The following PSMD2 variants were observed in gnomAD, a reference collection of about 807,000 sequenced individuals.
The protein encoded by PSMD2 is 26S proteasome non-ATPase regulatory subunit 2.
A neutral mutation model predicts 101.5 loss-of-function variants in PSMD2; 8 were observed. The observed-to-expected ratio is 0.08, with a 90% confidence interval of 0.05 to 0.14. The LOEUF is 0.14. PSMD2 is among the 10% of genes least tolerant of loss of function. The pLI is 1.00. For missense variants in PSMD2, 784 were observed against 1,147.4 expected (o/e 0.68, Z 4.58); for synonymous variants, 418 against 433.8 (o/e 0.96, Z 0.45).
chr3:184,304,490 G>C lies in PSMD2; in HGVS notation c.1539+99G>C. ...GAAAAAGAAGTAAGTGTGTGCATGT[G>C]TGCATACATGTACATGCCTGTTGGT... is the stretch of plus-strand genomic sequence containing the variant. On this transcript the variant is annotated intron_variant, in intron 12 of 20. Transcript: ENST00000310118. The surrounding 1 kb of genome is among the most constrained non-coding windows in gnomAD (Gnocchi z 4.1). 1 of 1,163,892 alleles carries C rather than the reference G, an allele frequency of 8.6e-7. No individual in the cohort carries two copies. The highest frequency in any genetic ancestry group is 1.3e-6 in the Non-Finnish European group (1 of 781,652). 72.1% of individuals were successfully genotyped at this position (1,163,892 alleles called of 1,614,324 possible). A position where few individuals can be genotyped will look rare whatever the true frequency, so the allele number is the denominator to read the frequency against.
chr3:184,300,014 G>A (rs1721590616), intron 2 of PSMD2, 107 bp downstream of exon 2: 1 of 1,073,442 alleles, frequency 9.3e-7, no homozygotes, highest in South Asian at 1.3e-5. Context: ...TTTAGGGTCA[G>A]TGTTATGATG....
chr3:184,299,769 TTC>T, intron 1 of PSMD2, 80 bp from the exon 2 acceptor site: 1 of 1,198,998 alleles, frequency 8.3e-7, no homozygotes, highest in Non-Finnish European at 1.2e-6. Context: ...GGCAGGCTTA[TTC>T]TTCACCTGCC....
Position 184,302,439 on chromosome 3 carries a change from G to C in PSMD2, c.774G>C (p.Lys258Asn). ...LLRCALGVFR[K>N]FSRFPEALRL... is the part of the protein sequence containing the mutation. The stretch of plus-strand genomic sequence containing the variant: ...GTTGTGCCCTGGGTGTGTTCCGAAA[G>C]TTTAGCCGCTTCCCTGAAGCTCTGA... Residue 258 changes from lysine to asparagine, a missense_variant, in exon 6 of 21, where the codon AAG becomes AAC. By Grantham distance (94) the Lys-to-Asn change is moderately conservative. Around this residue, in one of 6 missense-constraint regions of PSMD2, gnomAD observed 208 missense variants for 301.6 expected, o/e 0.69. Coordinates refer to ENST00000310118, the MANE Select transcript of PSMD2 (RefSeq NM_002808.5). 6.2e-7 allele frequency: 1 copy of C among 1,614,212 alleles called. No homozygotes were observed. The highest frequency in any genetic ancestry group is 8.5e-7 in the Non-Finnish European group (1 of 1,180,046).
chr3:184,299,285 G>T lies in PSMD2; in HGVS notation c.19G>T (p.Asp7Tyr), dbSNP rs1027646726. The part of the protein sequence containing the change: MEEGGR[D>Y]KAPVQPQQSP... Reference sequence around the variant, plus strand: ...GGCGGAGATGGAGGAGGGAGGCCGGGACAAGGCGCCGGTGCAGCCCCAGCA... The same window carrying T: ...GGCGGAGATGGAGGAGGGAGGCCGGTACAAGGCGCCGGTGCAGCCCCAGCA... The change falls in exon 1 of 21, where the codon GAC becomes TAC. Residue 7 changes from aspartate to tyrosine, a missense_variant. Physicochemically the swap from Asp to Tyr is radical, Grantham distance 160 (BLOSUM62 -3). Around this residue, in one of 6 missense-constraint regions of PSMD2, gnomAD observed 196 missense variants for 182.4 expected, o/e 1.07. Transcript: ENST00000310118. 9.5e-6 allele frequency: 13 copies of T among 1,365,454 alleles called. No individual in the cohort carries two copies. The highest frequency in any genetic ancestry group is 1.6e-5 in the South Asian group (1 of 61,460). 84.6% of individuals were successfully genotyped at this position (1,365,454 alleles called of 1,614,324 possible).
intron 5 of PSMD2, 129 bp from the exon 6 acceptor site, chr3:184,302,241 T>C (rs1451266587): frequency 8.5e-7 from 1 of 1,176,708 alleles, no homozygotes; most frequent in Non-Finnish European, 1.2e-6. Flanking sequence ...GTCTTCTTAG[T>C]AGTTCTAACA....
chr3:184,305,306 T>C (rs1043195600), intron 12 of PSMD2, among the ~76,000 whole-genome samples: 9 of 152,256 alleles, frequency 5.9e-5, no homozygotes, highest in Admixed American at 5.9e-4. Flanking sequence ...CTGGCCAAGA[T>C]GGTGAAACCC....
chr3:184,302,724 G>A lies in PSMD2; in HGVS notation c.909G>A (p.Val303=). 1.2e-6 allele frequency: 2 copies of A among 1,614,166 alleles called. No homozygotes were observed. Among genetic ancestry groups the A allele is most frequent in the Non-Finnish European group, 1.7e-6 (2 of 1,180,048 alleles). The part of the protein sequence containing the change: ...QMAFMLGRHG[V]FLELSEDVEE... Reference sequence around the variant, plus strand: ...CATTCATGCTAGGCCGGCATGGGGTGTTCCTGGAGCTGAGTGAAGATGTCG... The same window carrying A: ...CATTCATGCTAGGCCGGCATGGGGTATTCCTGGAGCTGAGTGAAGATGTCG... Residue 303 remains valine (V), a synonymous_variant, in exon 7 of 21, where the codon GTG becomes GTA. Coordinates refer to ENST00000310118, the MANE Select transcript of PSMD2 (RefSeq NM_002808.5).
rs1442312877 is a variant in PSMD2 at position 184,299,393 on chromosome 3, C to G, written c.127C>G (p.Gln43Glu). Residue 43 changes from glutamine (Q) to glutamate (E), a missense_variant, in exon 1 of 21, where the codon CAG (glutamine) becomes GAG (glutamate). By Grantham distance (29) the Gln-to-Glu change is conservative. This residue lies in a region of PSMD2 where 196 missense variants were observed against 182.4 expected (regional missense o/e 1.07). Coordinates refer to ENST00000310118, the MANE Select transcript of PSMD2 (RefSeq NM_002808.5). ...RRDAGDKDKE[Q>E]ELSEEDKQLQ... is the part of the protein sequence containing the mutation. ...GGATGCCGGGGACAAGGACAAAGAA[C>G]AGGAGCTGGTGAGGCGCGACCCCGA... The G allele has an allele frequency of 1.4e-6, 2 of 1,382,748 alleles. No individual in the cohort carries two copies. The highest frequency in any genetic ancestry group is 9.3e-7 in the Non-Finnish European group (1 of 1,070,494). The allele number at this position is 1,382,748 out of a possible 1,614,324, so 85.7% of individuals were successfully genotyped here. A position where few individuals can be genotyped will look rare whatever the true frequency, so the allele number is the denominator to read the frequency against.
intron 15 of PSMD2, 119 bp downstream of exon 15, chr3:184,306,614 G>A (rs867920084): frequency 7.9e-6 from 12 of 1,528,062 alleles, no homozygotes; most frequent in Middle Eastern, 1.8e-4. Context: ...TTGAAATAGC[G>A]TGTGACTGGG....
chr3:184,305,197 T>C (rs1187437406), intron 12 of PSMD2, among the ~76,000 whole-genome samples: 1 of 152,072 alleles, frequency 6.6e-6, no homozygotes, highest in Admixed American at 6.5e-5. Context: ...ATTTTTCTCA[T>C]CCATAAAAGG....
Position 184,306,209 on chromosome 3 carries a change from T to C in PSMD2, c.1804+54T>C, listed in dbSNP as rs967941964. 4.4e-6 allele frequency: 7 copies of C among 1,602,276 alleles called. No homozygotes were observed. The Admixed American group carries it at 1.0e-4, about 23-fold the overall frequency. On this transcript the variant is annotated intron_variant, in intron 14 of 20. Transcript: ENST00000310118. ...CTTCCCCAGTGACTCCTCACTTCTT[T>C]CTTGGTCCTTATTTTCAGGTTGTTT...
chr3:184,306,979 C>T lies in PSMD2; in HGVS notation c.2034+145C>T, dbSNP rs144082062. The T allele has an allele frequency of 8.3e-4, 597 of 722,976 alleles. 2 individuals are homozygous for T. In the African/African-American group the frequency reaches 8.5e-3, roughly 10 times the overall value. The allele number at this position is 722,976 out of a possible 1,614,324, so 44.8% of individuals were successfully genotyped here. A position where few individuals can be genotyped will look rare whatever the true frequency, so the allele number is the denominator to read the frequency against. Reference sequence around the variant, plus strand: ...TTCTTTTTTCTTTTCTTTTTTGAAGCGGAGTTTTGCTCTAGAGTGCAATGG... The same window carrying T: ...TTCTTTTTTCTTTTCTTTTTTGAAGTGGAGTTTTGCTCTAGAGTGCAATGG... On this transcript the variant is annotated intron_variant, in intron 16 of 20. Transcript: ENST00000310118.
intron 15 of PSMD2, 114 bp from the exon 16 acceptor site, chr3:184,306,637 G>A (rs539800575): frequency 2.0e-6 from 3 of 1,519,234 alleles, no homozygotes; most frequent in South Asian, 2.5e-5. Context: ...CTGTATGTAA[G>A]GGGTAAAGGT....
In PSMD2 at chr3:184,302,749, G is replaced by A. The variant is rs923890379; in HGVS notation, c.934G>A (p.Glu312Lys). ...GVFLELSEDV[E>K]EYEDLTEIMS... ...GTTCCTGGAGCTGAGTGAAGATGTCGAGGAGTATGAGGACCTGACAGAGAT... is the reference window on the plus strand; with the variant it reads ...GTTCCTGGAGCTGAGTGAAGATGTCAAGGAGTATGAGGACCTGACAGAGAT... Residue 312 changes from glutamate (E) to lysine (K), a missense_variant, in exon 7 of 21, where the codon GAG (glutamate) becomes AAG (lysine). Physicochemically the swap from Glu to Lys is moderately conservative, Grantham distance 56. This residue lies in a region of PSMD2 where 208 missense variants were observed against 301.6 expected (regional missense o/e 0.69). Transcript: ENST00000310118. 1.9e-6 allele frequency: 3 copies of A among 1,613,998 alleles called. No homozygotes were observed. The highest frequency in any genetic ancestry group is 1.7e-6 in the Non-Finnish European group (2 of 1,180,046).
Position 184,304,172 on chromosome 3 carries a change from T to C in PSMD2, c.1451+98T>C. On this transcript the variant is annotated intron_variant, in intron 11 of 20. Transcript: ENST00000310118. The surrounding 1 kb of genome is among the most constrained non-coding windows in gnomAD (Gnocchi z 4.1). The stretch of plus-strand genomic sequence containing the variant: ...CACCCATATTGCCAAGGGCTACCAC[T>C]GTGCCTATTGGGTATCTGGCTCTTG... The C allele has an allele frequency of 6.4e-7, 1 of 1,559,724 alleles. No individual in the cohort carries two copies. Among genetic ancestry groups the C allele is most frequent in the Non-Finnish European group, 8.8e-7 (1 of 1,131,472 alleles).
intron 6 of PSMD2, 59 bp from the exon 7 acceptor site, chr3:184,302,620 G>T: frequency 6.2e-7 from 1 of 1,612,616 alleles, no homozygotes. Flanking sequence ...TAGGGCTTGA[G>T]GGGTTTTCCT....
intron 15 of PSMD2, 88 bp from the exon 16 acceptor site, chr3:184,306,663 G>A: frequency 2.6e-6 from 4 of 1,532,034 alleles, no homozygotes; most frequent in Non-Finnish European, 3.6e-6. Flanking sequence ...CCACAGGATG[G>A]CTTTTTATTT....
At position 184,299,417 on chromosome 3, in the gene PSMD2, G is replaced by T; in HGVS notation, c.135+16G>T. The T allele has an allele frequency of 7.4e-7, 1 of 1,343,762 alleles. No homozygotes were observed. Among genetic ancestry groups the T allele is most frequent in the South Asian group, 1.8e-5 (1 of 56,400 alleles). The allele number at this position is 1,343,762 out of a possible 1,614,324, so 83.2% of individuals were successfully genotyped here. A position where few individuals can be genotyped will look rare whatever the true frequency, so the allele number is the denominator to read the frequency against. ...ACAGGAGCTGGTGAGGCGCGACCCCGAGAGTCGGCGAAGGAGGCTGCGGGG... is the reference window on the plus strand; with the variant it reads ...ACAGGAGCTGGTGAGGCGCGACCCCTAGAGTCGGCGAAGGAGGCTGCGGGG... On this transcript the variant is annotated intron_variant, in intron 1 of 20. Transcript: ENST00000310118.
At chr3:184,299,569 C>A in intron 1 of PSMD2, 168 bp downstream of exon 1, 1 of 1,020,558 alleles carries the variant, frequency 9.8e-7, no homozygotes, top group Non-Finnish European at 1.3e-6. Context: ...ATTCTCCGTT[C>A]CGCGCTGTCA....
Sources: gnomAD v4.1 joint callset for allele counts (sites outside exome capture counted in the v4.1 genomes callset) on GRCh38, gnomAD v4.1.1 for gene constraint, gnomAD v4.1.1 regional missense constraint, Gnocchi (gnomAD v3.1) non-coding constraint, MANE v1.5 for transcripts, NCBI Gene and HGNC (gene_info 2026-07-23, HGNC 2026-07-21) for gene names.